Variants in UBR4 observed in about 807,000 individuals in gnomAD.
UBR4 encodes ubiquitin protein ligase E3 component n-recognin 4.
In UBR4, 124 loss-of-function variants were observed where a neutral mutation model predicts 575.6. The observed-to-expected ratio is 0.22, with a 90% CI of 0.19 to 0.25. The LOEUF (loss-of-function observed/expected upper bound fraction) is 0.25. Among genes scored for constraint, UBR4 ranks in the 10% least tolerant of loss-of-function variants. The probability of loss-of-function intolerance (pLI) is 1.00; values close to 1 mark genes in which losing one functional copy is unlikely to be tolerated. For synonymous variants in UBR4, 2,455 were observed against 2,473.7 expected (o/e 0.99, Z 0.22); for missense variants, 4,818 against 6,478.8 (o/e 0.74, Z 8.80).
At chr1:19,134,533 T>C (rs905299222) in intron 60 of UBR4, among the ~76,000 whole-genome samples, 5 of 152,218 alleles carry the variant, frequency 3.3e-5, no homozygotes, top group African/African-American at 7.2e-5. Context: ...TGGCCAAAGA[T>C]GTAAGCAGAA....
rs1406501086 is a variant in UBR4 at position 19,158,543 on chromosome 1, G to C, written c.5578-546C>G. ...TGTGATATCAGCTCACTACAGCCTC[G>C]AATTCCCCGGTTCAGGCAATCCTCC... On this transcript the variant is annotated intron_variant, in intron 39 of 105. Coordinates refer to ENST00000375254, the MANE Select transcript of UBR4 (RefSeq NM_020765.3). Among the ~76,000 whole-genome samples, 6 of 151,998 alleles carry C rather than the reference G, an allele frequency of 3.9e-5. No individual in the cohort carries two copies. In the East Asian group the frequency reaches 7.8e-4, roughly 20 times the overall value.
chr1:19,101,559 C>G lies in UBR4; in HGVS notation c.12984G>C (p.Pro4328=). Residue 4328 remains proline, a synonymous_variant, in exon 88 of 106, where the codon CCG becomes CCC. Coordinates refer to ENST00000375254, the MANE Select transcript of UBR4 (RefSeq NM_020765.3). The part of the protein sequence containing the change: ...KRYNLDDYRT[P]VFIFERLCSI... ...TGCAGAGCCTCTCGAAGATGAACAC[C>G]GGGGTCCGGTAGTCATCCAGATTGT... 1 of 1,613,858 alleles carries G rather than the reference C, an allele frequency of 6.2e-7. No individual in the cohort carries two copies. The highest frequency in any genetic ancestry group is 8.5e-7 in the Non-Finnish European group (1 of 1,179,782).
intron 34 of UBR4, 98 bp from the exon 35 acceptor site, chr1:19,162,709 A>C: frequency 7.2e-7 from 1 of 1,387,854 alleles, no homozygotes. Context: ...AGATCAGAGA[A>C]ATGGTATGAG....
chr1:19,190,120 C>G (rs144554791), intron 11 of UBR4, among the ~76,000 whole-genome samples: 1 of 149,586 alleles, frequency 6.7e-6, no homozygotes, highest in East Asian at 2.0e-4. Context: ...AACCCCAACT[C>G]TATTAAAAAT....
intron 29 of UBR4, among the ~76,000 whole-genome samples, chr1:19,166,581 A>C (rs1245631217): frequency 2.6e-5 from 4 of 152,108 alleles, no homozygotes; most frequent in Non-Finnish European, 5.9e-5. Context: ...TGAAAAACAC[A>C]AATAACAATA....
intron 33 of UBR4, among the ~76,000 whole-genome samples, 167 bp downstream of exon 33, chr1:19,164,080 TGATGAA>T (rs2150625126): frequency 6.6e-6 from 1 of 152,210 alleles, no homozygotes; most frequent in East Asian, 1.9e-4. Context: ...ACTAAGAAAA[TGATGAA>T]GATGAAGTCT....
chr1:19,186,708 A>T (rs1297678878), intron 13 of UBR4, 51 bp from the exon 14 acceptor site: 1 of 1,534,304 alleles, frequency 6.5e-7, no homozygotes, highest in Non-Finnish European at 9.0e-7. Flanking sequence ...AATCTCATGC[A>T]TCGCATGAAA....
At chr1:19,202,106 T>C (rs1262150118) in intron 1 of UBR4, among the ~76,000 whole-genome samples, 4 of 151,934 alleles carry the variant, frequency 2.6e-5, no homozygotes, top group African/African-American at 7.3e-5. Context: ...GGCAGGAGAA[T>C]TGCTTGAACC....
chr1:19,086,548 G>A (rs1294929358), intron 100 of UBR4, 131 bp downstream of exon 100: 8 of 1,347,694 alleles, frequency 5.9e-6, no homozygotes, highest in Non-Finnish European at 8.2e-6. Flanking sequence ...GACCTATATG[G>A]TGTCAGGCAG....
At chr1:19,118,979 A>C in intron 70 of UBR4, 22 bp from the exon 71 acceptor site, 1 of 1,610,816 alleles carries the variant, frequency 6.2e-7, no homozygotes, top group Non-Finnish European at 8.5e-7. Context: ...TTCAGTAAAG[A>C]AACAACTTAA....
intron 11 of UBR4, among the ~76,000 whole-genome samples, chr1:19,191,120 C>G (rs973571552): frequency 1.3e-5 from 2 of 152,182 alleles, no homozygotes; most frequent in Admixed American, 6.5e-5. Context: ...CATATGGTCT[C>G]TACATCATGT....
At position 19,087,777 on chromosome 1, in the gene UBR4, C is replaced by G. The variant is rs372086719; in HGVS notation, c.14544+39G>C. On this transcript the variant is annotated intron_variant, in intron 99 of 105. Transcript: ENST00000375254. ...ATGCTACCTAGAACAAGGGGTCAGG[C>G]TGGGCCCTCAGGACCGACCGTAGGC... The G allele has an allele frequency of 1.1e-5, 17 of 1,548,882 alleles. No individual in the cohort carries two copies. The African/African-American group carries it at 2.3e-4, about 21-fold the overall frequency.
rs945528278 is a variant in UBR4 at position 19,185,155 on chromosome 1, T to C, written c.1882A>G (p.Lys628Glu). Reference protein sequence around the residue: ...ESSPRVKSPSKQAPGEKGNIL... With the variant: ...ESSPRVKSPSEQAPGEKGNIL... ...TTGCCCTTCTCACCAGGGGCCTGCT[T>C]ACTGGGGCTTTTAACCCGAGGAGAG... is the stretch of plus-strand genomic sequence containing the variant. The change falls in exon 15 of 106, where the codon AAG (lysine) becomes GAG (glutamate). Residue 628 changes from lysine to glutamate, a missense_variant. By Grantham distance (56) the Lys-to-Glu change is moderately conservative. Transcript: ENST00000375254. The C allele has an allele frequency of 2.5e-6, 4 of 1,614,142 alleles. No homozygotes were observed. The African/African-American group carries it at 5.3e-5, about 22-fold the overall frequency.
At chr1:19,187,753 A>G (rs1461621261) in intron 11 of UBR4, among the ~76,000 whole-genome samples, 1 of 152,128 alleles carries the variant, frequency 6.6e-6, no homozygotes, top group Non-Finnish European at 1.5e-5. Context: ...AAGGATCTGC[A>G]GGCTTCAGGT....
At chr1:19,125,007 A>G (rs961938402) in intron 64 of UBR4, among the ~76,000 whole-genome samples, 4 of 152,148 alleles carry the variant, frequency 2.6e-5, no homozygotes, top group Non-Finnish European at 4.4e-5. Context: ...AAAGGCCAAA[A>G]AAATTGGAAA....
intron 102 of UBR4, 90 bp from the exon 103 acceptor site, chr1:19,081,663 T>C: frequency 7.1e-7 from 1 of 1,416,646 alleles, no homozygotes; most frequent in Non-Finnish European, 1.0e-6. Flanking sequence ...TTTGTCGTTG[T>C]CTTGTGACAT....
At position 19,145,835 on chromosome 1, in the gene UBR4, A is replaced by G; in HGVS notation, c.7903T>C (p.Ser2635Pro). 3 of 1,614,202 alleles carry G rather than the reference A, an allele frequency of 1.9e-6. No individual in the cohort carries two copies. Among genetic ancestry groups the G allele is most frequent in the Non-Finnish European group, 2.5e-6 (3 of 1,180,022 alleles). The change falls in exon 53 of 106, where the codon TCC becomes CCC. Residue 2635 changes from serine to proline, a missense_variant. By Grantham distance (74) the Ser-to-Pro change is moderately conservative (BLOSUM62 -1). This residue lies in a region of UBR4 where 340 missense variants were observed against 375.4 expected (regional missense o/e 0.91). Coordinates refer to ENST00000375254, the MANE Select transcript of UBR4 (RefSeq NM_020765.3). ...LVNHFWKLHA[S>P]KPKNAFLAPA... ...GCCAAGAAGGCATTCTTGGGTTTGG[A>G]TGCATGGAGTTTCCAGAAGTGGTTC...
chr1:19,203,761 G>C (rs1356239725), intron 1 of UBR4, among the ~76,000 whole-genome samples: 1 of 152,074 alleles, frequency 6.6e-6, no homozygotes, highest in Non-Finnish European at 1.5e-5. Context: ...CCTTCACCAA[G>C]AAAAAAATAT....
At chr1:19,174,009 T>C (rs1191879873) in intron 22 of UBR4, among the ~76,000 whole-genome samples, 2 of 152,166 alleles carry the variant, frequency 1.3e-5, no homozygotes, top group Non-Finnish European at 2.9e-5. Flanking sequence ...AACAGAGCCA[T>C]GGAAAAATCT....
Sources: allele counts gnomAD v4.1 joint callset (sites outside exome capture counted in the v4.1 genomes callset), GRCh38; gene constraint gnomAD v4.1.1; regional missense constraint gnomAD v4.1.1; transcripts MANE v1.5; gene names NCBI Gene and HGNC (gene_info 2026-07-23, HGNC 2026-07-21).